The following MYO5B variants were observed in gnomAD, a reference collection of about 807,000 sequenced individuals.
MYO5B encodes the protein unconventional myosin-Vb.
MYO5B carries 143 observed loss-of-function variants against 229.3 expected under a neutral mutation model. The observed-to-expected ratio is 0.62, with a 90% CI of 0.54 to 0.72. The LOEUF is 0.72. MYO5B is among the 30% of genes least tolerant of loss of function. The probability of loss-of-function intolerance (pLI) is 0.00; values close to 1 mark genes in which losing one functional copy is unlikely to be tolerated. For missense variants in MYO5B, 2,321 were observed against 2,331.0 expected, an observed-to-expected ratio of 1.00 and a Z score of 0.09; for synonymous variants, 918 against 885.2, an observed-to-expected ratio of 1.04 and a Z score of -0.66.
At chr18:49,900,267 G>C (rs1383620991) in intron 21 of MYO5B, among the ~76,000 whole-genome samples, 1 of 152,252 alleles carries the variant, frequency 6.6e-6, no homozygotes, top group Non-Finnish European at 1.5e-5. Context: ...CAAAGGGCCA[G>C]TGCCAGACAG....
At chr18:50,129,505 A>T (rs751219564) in intron 1 of MYO5B, among the ~76,000 whole-genome samples, 9 of 152,218 alleles carry the variant, frequency 5.9e-5, no homozygotes, top group Admixed American at 4.6e-4. Flanking sequence ...ATGATCCACG[A>T]GCTAATACCA....
intron 17 of MYO5B, among the ~76,000 whole-genome samples, chr18:49,914,976 G>A (rs918727316): frequency 6.6e-6 from 1 of 151,982 alleles, no homozygotes; most frequent in Non-Finnish European, 1.5e-5. Flanking sequence ...AGCAGCCTGG[G>A]ATGAGAAGGA....
intron 31 of MYO5B, among the ~76,000 whole-genome samples, chr18:49,853,035 C>T (rs1256369426): frequency 1.3e-5 from 2 of 152,226 alleles, no homozygotes; most frequent in Non-Finnish European, 2.9e-5. Context: ...CTACTCCTCC[C>T]CTCAAGAGGT....
chr18:49,895,960 G>A (rs1038656549), intron 21 of MYO5B, among the ~76,000 whole-genome samples: 1 of 152,212 alleles, frequency 6.6e-6, no homozygotes, highest in Non-Finnish European at 1.5e-5. Flanking sequence ...AAAGTGGAGA[G>A]GAAGAAATAG....
chr18:49,873,511 C>T (rs2144096365), intron 26 of MYO5B, among the ~76,000 whole-genome samples: 1 of 152,316 alleles, frequency 6.6e-6, no homozygotes, highest in South Asian at 2.1e-4. Context: ...GCTTAAAACC[C>T]CTCCAAGGTA....
At chr18:49,904,860 G>C (rs1371914721) in intron 19 of MYO5B, 32 bp from the exon 20 acceptor site, 2 of 1,610,738 alleles carry the variant, frequency 1.2e-6, no homozygotes, top group Non-Finnish European at 1.7e-6. Flanking sequence ...GCAGTGTCAG[G>C]GAGAGAGTAT....
At chr18:50,130,139 GGCTGGAATCAGC>G (rs1347740661) in intron 1 of MYO5B, among the ~76,000 whole-genome samples, 1 of 152,170 alleles carries the variant, frequency 6.6e-6, no homozygotes, top group Non-Finnish European at 1.5e-5. Context: ...CAGGAGACTG[GGCTGGAATCAGC>G]TGTCAGCTAC....
At chr18:50,036,746 A>T (rs1011213767) in intron 4 of MYO5B, 104 bp downstream of exon 4, 2 of 1,376,766 alleles carry the variant, frequency 1.5e-6, no homozygotes, top group Non-Finnish European at 2.1e-6. Context: ...CCTCAGTCCC[A>T]ATCTCACCAC....
chr18:50,185,991 G>A (rs1448868029), intron 1 of MYO5B, among the ~76,000 whole-genome samples: 1 of 152,220 alleles, frequency 6.6e-6, no homozygotes, highest in African/African-American at 2.4e-5. Flanking sequence ...AACTACAACT[G>A]TGAGCCACCT....
intron 1 of MYO5B, among the ~76,000 whole-genome samples, chr18:50,089,293 G>A (rs1176028900): frequency 6.6e-6 from 1 of 152,118 alleles, no homozygotes; most frequent in Admixed American, 6.6e-5. Flanking sequence ...CAGGAGAATT[G>A]CTTGAACCCA....
chr18:50,074,735 A>G (rs1416003192), intron 1 of MYO5B, among the ~76,000 whole-genome samples: 1 of 152,136 alleles, frequency 6.6e-6, no homozygotes, highest in Non-Finnish European at 1.5e-5. Flanking sequence ...AGATTTTCTT[A>G]TCTGAAACGA....
At chr18:50,042,831 A>G (rs1290601711) in intron 2 of MYO5B, among the ~76,000 whole-genome samples, 1 of 152,190 alleles carries the variant, frequency 6.6e-6, no homozygotes, top group Non-Finnish European at 1.5e-5. Context: ...GCAGAGCCAC[A>G]GAGCTCATGT....
Position 49,842,818 on chromosome 18 carries a change from G to A in MYO5B, c.4611+423C>T, listed in dbSNP as rs1010603809. Among the ~76,000 whole-genome samples the A allele has an allele frequency of 2.0e-5, 3 of 152,304 alleles. No homozygotes were observed. The East Asian group carries it at 5.8e-4, about 29-fold the overall frequency. On this transcript the variant is annotated intron_variant, in intron 34 of 39. Coordinates refer to ENST00000285039, the MANE Select transcript of MYO5B (RefSeq NM_001080467.3). The stretch of plus-strand genomic sequence containing the variant: ...CAGCCCTCCCTGTGTTACCCCCCAG[G>A]GAAGCAAGCACCCGGCCCCTTGGAA...
intron 1 of MYO5B, chr18:50,098,616 G>C (rs1178777890): frequency 1.3e-5 from 2 of 152,228 alleles, no homozygotes; most frequent in Non-Finnish European, 2.9e-5. Flanking sequence ...ACTGGGAAAG[G>C]CTTGCAGAGA....
chr18:50,138,132 C>T (rs1236207397), intron 1 of MYO5B, among the ~76,000 whole-genome samples: 1 of 152,170 alleles, frequency 6.6e-6, no homozygotes, highest in African/African-American at 2.4e-5. Context: ...TACCCGTGAA[C>T]ATATACTCCA....
chr18:49,990,415 A>T (rs745677005), intron 7 of MYO5B, 24 bp downstream of exon 7: 1 of 1,592,118 alleles, frequency 6.3e-7, no homozygotes, highest in Non-Finnish European at 8.6e-7. Flanking sequence ...ACCCCAGAGG[A>T]TAGGCATGCA....
intron 1 of MYO5B, among the ~76,000 whole-genome samples, chr18:50,067,230 G>A (rs2030843232): frequency 6.6e-6 from 1 of 152,192 alleles, no homozygotes; most frequent in Admixed American, 6.5e-5. Flanking sequence ...TGCACAAAAA[G>A]AGAGCTGTCA....
intron 1 of MYO5B, among the ~76,000 whole-genome samples, chr18:50,135,745 T>C (rs1221466421): frequency 6.6e-6 from 1 of 152,220 alleles, no homozygotes; most frequent in Non-Finnish European, 1.5e-5. Context: ...TTTAAACAGC[T>C]ACATCCTGTT....
chr18:50,067,511 C>A (rs1220646397), intron 1 of MYO5B, among the ~76,000 whole-genome samples: 3 of 152,170 alleles, frequency 2.0e-5, no homozygotes, highest in Non-Finnish European at 2.9e-5. Context: ...GAAATTCAAT[C>A]CCCAATATTG....
Sources: gnomAD v4.1 joint callset for allele counts (sites outside exome capture counted in the v4.1 genomes callset) on GRCh38, gnomAD v4.1.1 for gene constraint, MANE v1.5 for transcripts, NCBI Gene and HGNC (gene_info 2026-07-23, HGNC 2026-07-21) for gene names.